CELSR1: variants seen among roughly 807,000 people sequenced by gnomAD.
CELSR1 encodes the protein cadherin EGF LAG seven-pass G-type receptor 1, also known as adhesion G protein-coupled receptor C1.
Under a neutral mutation model 249.1 loss-of-function variants are expected in CELSR1, and 110 were observed. The observed-to-expected ratio is 0.44, with a 90% confidence interval of 0.38 to 0.52. The LOEUF (loss-of-function observed/expected upper bound fraction) is 0.52. Ranked by LOEUF, CELSR1 falls within the 20% of genes least tolerant of loss-of-function variation. The pLI is 0.00. For synonymous variants in CELSR1, 2,113 were observed against 1,900.0 expected (o/e 1.11, Z -2.92); for missense variants, 4,109 against 4,296.4 (o/e 0.96, Z 1.22).
At chr22:46,365,185 C>A (rs1280844699) in intron 32 of CELSR1, 46 bp downstream of exon 32, 5 of 1,585,856 alleles carry the variant, frequency 3.2e-6, no homozygotes, top group South Asian at 1.1e-5. Flanking sequence ...TGCCCCGAGC[C>A]CGCTGTCCAC....
intron 1 of CELSR1, among the ~76,000 whole-genome samples, chr22:46,486,843 A>C (rs567033468): frequency 7.9e-5 from 12 of 152,174 alleles, no homozygotes; most frequent in African/African-American, 2.9e-4. Flanking sequence ...ACTCTGTCTC[A>C]GAACAAAAAA....
Position 46,374,911 on chromosome 22 carries a change from G to A in CELSR1, c.7585-1854C>T, listed in dbSNP as rs949212696. 1.3e-5 allele frequency among the ~76,000 whole-genome samples: 2 copies of A among 152,204 alleles called. No individual in the cohort carries two copies. Among genetic ancestry groups the A allele is most frequent in the Non-Finnish European group, 2.9e-5 (2 of 68,030 alleles). On this transcript the variant is annotated intron_variant, in intron 24 of 34. Coordinates refer to ENST00000674500, the MANE Select transcript of CELSR1 (RefSeq NM_001378328.1). The surrounding 1 kb of genome is among the most constrained non-coding windows in gnomAD (Gnocchi z 4.3). Reference sequence around the variant, plus strand: ...CGCCAGCCCGGGGCCTCGGCCTCGGGAAGCACCTGGGAGGCGGCGGGGAAG... The same window carrying A: ...CGCCAGCCCGGGGCCTCGGCCTCGGAAAGCACCTGGGAGGCGGCGGGGAAG...
rs6008893 is a variant in CELSR1, at chr22:46,528,634, T to C, written c.3544+4993A>G. On this transcript the variant is annotated intron_variant, in intron 1 of 34. Coordinates refer to ENST00000674500, the MANE Select transcript of CELSR1 (RefSeq NM_001378328.1). ...TATACCATGGTGTACTATTCCACTA[T>C]AAAAAAGAATGAGGCCAGACGCGGT... Among the ~76,000 whole-genome samples, 1,035 of 152,270 alleles carry C rather than the reference T, an allele frequency of 6.8e-3. 15 individuals carry two copies. The highest frequency in any genetic ancestry group is 0.024 in the African/African-American group (997 of 41,550).
In CELSR1 at chr22:46,394,226, G is replaced by T. The variant is rs761138664; in HGVS notation, c.5880C>A (p.Asn1960Lys). ...DLPCPRGWWGNPVCGPCHCAV... is the reference protein window; with the variant it reads ...DLPCPRGWWGKPVCGPCHCAV... ...CACAGTGGCAGGGTCCACAGACGGG[G>T]TTCCCCCACCAGCCTCTGGGGCACG... Residue 1960 changes from asparagine (N) to lysine (K), a missense_variant, in exon 14 of 35, where the codon AAC (asparagine) becomes AAA (lysine). By Grantham distance (94) the Asn-to-Lys change is moderately conservative (BLOSUM62 0). Coordinates refer to ENST00000674500, the MANE Select transcript of CELSR1 (RefSeq NM_001378328.1). The T allele has an allele frequency of 6.2e-7, 1 of 1,613,810 alleles. No homozygotes were observed. Among genetic ancestry groups the T allele is most frequent in the Non-Finnish European group, 8.5e-7 (1 of 1,179,934 alleles).
At chr22:46,504,504 C>CAAAAAAAAAAAA (rs11341314) in intron 1 of CELSR1, among the ~76,000 whole-genome samples, 1 of 109,292 alleles carries the variant, frequency 9.1e-6, no homozygotes. Context: ...CATCTGTCTC[C>CAAAAAAAAAAAA]AAAAAAAAAA....
chr22:46,506,694 G>A lies in CELSR1; in HGVS notation c.3544+26933C>T, dbSNP rs538894086. ...TCCCTACCCGCAGTGACGCACAGCC[G>A]CTGAGACAAGCCCAAATCGAGAGTT... On this transcript the variant is annotated intron_variant, in intron 1 of 34. Coordinates refer to ENST00000674500, the MANE Select transcript of CELSR1 (RefSeq NM_001378328.1). This position sits in a 1 kb window ranked among gnomAD's most constrained non-coding sequence, Gnocchi z 4.1. Among the ~76,000 whole-genome samples the A allele has an allele frequency of 2.5e-4, 38 of 152,236 alleles. No individual in the cohort carries two copies. The highest frequency in any genetic ancestry group is 9.1e-4 in the African/African-American group (38 of 41,538).
In CELSR1 at chr22:46,521,411, A is replaced by G. The variant is rs541294648; in HGVS notation, c.3544+12216T>C. On this transcript the variant is annotated intron_variant, in intron 1 of 34. Coordinates refer to ENST00000674500, the MANE Select transcript of CELSR1 (RefSeq NM_001378328.1). ...TCCCAGCTACTCGGGAGGCTGAGGC[A>G]GGAGAATGGCATGAACCCGGGAGGC... 6.6e-5 allele frequency among the ~76,000 whole-genome samples: 10 copies of G among 152,194 alleles called. No homozygotes were observed. In the South Asian group the frequency reaches 2.1e-3, roughly 32 times the overall value.
chr22:46,509,564 G>A (rs112840738), intron 1 of CELSR1, among the ~76,000 whole-genome samples: 368 of 21,842 alleles, frequency 0.017, 1 homozygote, highest in African/African-American at 0.041. Flanking sequence ...ACCCCATTAC[G>A]TGGTAGGTAA....
In CELSR1 at chr22:46,536,258, C is replaced by T. The variant is rs1268278098; in HGVS notation, c.913G>A (p.Val305Met). ...CGGTCCAGTACGCTGTCCGTGCTCA[C>T]GGCGCCCGTGGCAGAGTCGATTCGG... Reference protein sequence around the residue: ...YFRIDSATGAVSTDSVLDRET... With the variant: ...YFRIDSATGAMSTDSVLDRET... The change falls in exon 1 of 35, where the codon GTG becomes ATG. Residue 305 changes from valine to methionine, a missense_variant. Transcript: ENST00000674500. 2.5e-6 allele frequency: 4 copies of T among 1,612,058 alleles called. No individual in the cohort carries two copies. The highest frequency in any genetic ancestry group is 1.3e-5 in the African/African-American group (1 of 74,948).
rs901244739 is a variant in CELSR1 at position 46,441,078 on chromosome 22, G to A, written c.4184-1667C>T. Among the ~76,000 whole-genome samples, 6 of 151,920 alleles carry A rather than the reference G, an allele frequency of 3.9e-5. No individual in the cohort carries two copies. The highest frequency in any genetic ancestry group is 9.7e-5 in the African/African-American group (4 of 41,330). On this transcript the variant is annotated intron_variant, in intron 2 of 34. Transcript: ENST00000674500. The surrounding 1 kb of genome is among the most constrained non-coding windows in gnomAD (Gnocchi z 6.1). The stretch of plus-strand genomic sequence containing the variant: ...TGAGGCAGGAGAACTGCTTCAACCC[G>A]GGAGGCGGAGGTTGTAGCGAGCCGA...
intron 1 of CELSR1, among the ~76,000 whole-genome samples, chr22:46,516,466 G>C (rs545727558): frequency 6.6e-6 from 1 of 152,180 alleles, no homozygotes; most frequent in East Asian, 1.9e-4. Context: ...GTGGGGTTGG[G>C]GGAGTGGGGA....
At chr22:46,483,268 T>C (rs1378615327) in intron 1 of CELSR1, among the ~76,000 whole-genome samples, 1 of 152,022 alleles carries the variant, frequency 6.6e-6, no homozygotes, top group Non-Finnish European at 1.5e-5. Flanking sequence ...ATTAATAAAT[T>C]AATGATGAGA....
chr22:46,501,127 G>A (rs952699786), intron 1 of CELSR1, among the ~76,000 whole-genome samples: 26 of 151,530 alleles, frequency 1.7e-4, no homozygotes, highest in Non-Finnish European at 2.6e-4. Flanking sequence ...TTCGCCTCCC[G>A]GGTTCAAGCA....
In CELSR1 at chr22:46,446,365, G is replaced by C. The variant is rs2079820511; in HGVS notation, c.4184-6954C>G. 6.6e-6 allele frequency among the ~76,000 whole-genome samples: 1 copy of C among 152,126 alleles called. No individual in the cohort carries two copies. Among genetic ancestry groups the C allele is most frequent in the African/African-American group, 2.4e-5 (1 of 41,424 alleles). On this transcript the variant is annotated intron_variant, in intron 2 of 34. Coordinates refer to ENST00000674500, the MANE Select transcript of CELSR1 (RefSeq NM_001378328.1). The surrounding 1 kb of genome is among the most constrained non-coding windows in gnomAD (Gnocchi z 5.5). ...AAGCTCGGGCCACCTGCCTGCTTAG[G>C]GTGACCCTGGGGGCTCTCATGGACT...
At chr22:46,414,513 G>A (rs556225217) in intron 5 of CELSR1, among the ~76,000 whole-genome samples, 2 of 152,100 alleles carry the variant, frequency 1.3e-5, no homozygotes, top group South Asian at 4.1e-4. Context: ...CTCGGCGAGT[G>A]TGGGTTTAAC....
At position 46,433,325 on chromosome 22, in the gene CELSR1, G is replaced by A. The variant is rs1305213838; in HGVS notation, c.4611+68C>T. Reference sequence around the variant, plus strand: ...GCTGGGATTACAGGCGTGAGCCACTGCGCCTCGCCCCAGGGCACCTTCTCG... The same window carrying A: ...GCTGGGATTACAGGCGTGAGCCACTACGCCTCGCCCCAGGGCACCTTCTCG... On this transcript the variant is annotated intron_variant, in intron 5 of 34. Coordinates refer to ENST00000674500, the MANE Select transcript of CELSR1 (RefSeq NM_001378328.1). The surrounding 1 kb of genome is among the most constrained non-coding windows in gnomAD (Gnocchi z 5.7). The A allele has an allele frequency of 2.4e-6, 3 of 1,243,978 alleles. No homozygotes were observed. In the African/African-American group the frequency reaches 4.5e-5, roughly 19 times the overall value. The allele number at this position is 1,243,978 out of a possible 1,614,324, so 77.1% of individuals were successfully genotyped here.
chr22:46,422,494 G>A (rs940929270), intron 5 of CELSR1, among the ~76,000 whole-genome samples: 3 of 147,290 alleles, frequency 2.0e-5, no homozygotes, highest in Non-Finnish European at 3.0e-5. Flanking sequence ...AGCACTTTGG[G>A]AGGCCAAGGG....
rs2079750650 is a variant in CELSR1, at chr22:46,441,634, G to A, written c.4184-2223C>T. Among the ~76,000 whole-genome samples the A allele has an allele frequency of 6.6e-6, 1 of 152,118 alleles. No homozygotes were observed. The highest frequency in any genetic ancestry group is 6.6e-5 in the Admixed American group (1 of 15,266). ...GACGGTGCCTTCTTGCCGCATAAGG[G>A]AGAGGGCTGTGGTCTCTTCCTCTCC... On this transcript the variant is annotated intron_variant, in intron 2 of 34. Coordinates refer to ENST00000674500, the MANE Select transcript of CELSR1 (RefSeq NM_001378328.1). The surrounding 1 kb of genome is among the most constrained non-coding windows in gnomAD (Gnocchi z 6.1).
At chr22:46,458,477 C>T (rs1364846254) in intron 2 of CELSR1, among the ~76,000 whole-genome samples, 1 of 152,186 alleles carries the variant, frequency 6.6e-6, no homozygotes, top group African/African-American at 2.4e-5. Context: ...AAGAACTGGG[C>T]TGGGGAGGCA....
Sources: gnomAD v4.1 joint callset for allele counts (sites outside exome capture counted in the v4.1 genomes callset) on GRCh38, gnomAD v4.1.1 for gene constraint, Gnocchi (gnomAD v3.1) non-coding constraint, MANE v1.5 for transcripts, NCBI Gene and HGNC (gene_info 2026-07-23, HGNC 2026-07-21) for gene names.